The following DDAH1 variants were observed in gnomAD, a reference collection of about 807,000 sequenced individuals.
The protein encoded by DDAH1 is dimethylarginine dimethylaminohydrolase 1, also known as N(G),N(G)-dimethylarginine dimethylaminohydrolase 1.
A neutral mutation model predicts 28.8 loss-of-function variants in DDAH1; 19 were observed. The observed-to-expected ratio is 0.66, with a 90% CI of 0.46 to 0.97. The LOEUF (loss-of-function observed/expected upper bound fraction) is 0.97, where lower values mean the gene tolerates loss of function less well. Ranked by LOEUF, DDAH1 falls within the 50% of genes least tolerant of loss-of-function variation. DDAH1 has a pLI of 0.00. For synonymous variants in DDAH1, 153 were observed against 154.4 expected (o/e 0.99, Z 0.07); for missense variants, 326 against 375.9 (o/e 0.87, Z 1.10).
intron 1 of DDAH1, among the ~76,000 whole-genome samples, chr1:85,502,983 C>A (rs1222980662): frequency 6.6e-6 from 1 of 152,056 alleles, no homozygotes; most frequent in Non-Finnish European, 1.5e-5. Context: ...GGATTGATGT[C>A]CCCCTGGTGG....
chr1:85,428,846 T>C (rs1653536298), intron 1 of DDAH1, among the ~76,000 whole-genome samples: 1 of 151,938 alleles, frequency 6.6e-6, no homozygotes, highest in African/African-American at 2.4e-5. Flanking sequence ...GCAGCCTTCT[T>C]CTATTGAATA....
intron 4 of DDAH1, among the ~76,000 whole-genome samples, chr1:85,337,406 C>A (rs1357141823): frequency 6.6e-6 from 1 of 151,898 alleles, no homozygotes; most frequent in East Asian, 1.9e-4. Context: ...TTGAATTATC[C>A]ATTTAAAACT....
intron 1 of DDAH1, among the ~76,000 whole-genome samples, chr1:85,434,837 A>G (rs189130050): frequency 2.6e-4 from 39 of 152,284 alleles, no homozygotes; most frequent in African/African-American, 8.7e-4. Context: ...AAATCCTTTT[A>G]GAATTTGATT....
chr1:85,520,945 T>C (rs573207135), intron 1 of DDAH1, among the ~76,000 whole-genome samples: 1 of 152,312 alleles, frequency 6.6e-6, no homozygotes, highest in Non-Finnish European at 1.5e-5. Flanking sequence ...AAGGTATTTA[T>C]GAACTGCTTT....
intron 1 of DDAH1, among the ~76,000 whole-genome samples, chr1:85,420,201 G>C (rs956143277): frequency 6.6e-6 from 1 of 152,138 alleles, no homozygotes; most frequent in African/African-American, 2.4e-5. Context: ...CCTGTGATGG[G>C]AGGGGCTGCC....
upstream of DDAH1, chr1:85,465,317 G>A (rs994282053): frequency 1.4e-5 from 9 of 654,628 alleles, no homozygotes; most frequent in African/African-American, 1.6e-4. Context: ...AGCGCCGGGC[G>A]AGGAGTGGGG....
intron 2 of DDAH1, among the ~76,000 whole-genome samples, chr1:85,356,867 C>T (rs914639076): frequency 3.9e-5 from 6 of 152,162 alleles, no homozygotes; most frequent in African/African-American, 1.4e-4. Context: ...TGCACTTTCA[C>T]ACTGAGGAGA....
At chr1:85,501,257 T>C (rs1656806793) in intron 1 of DDAH1, among the ~76,000 whole-genome samples, 1 of 152,208 alleles carries the variant, frequency 6.6e-6, no homozygotes, top group African/African-American at 2.4e-5. Context: ...TTGGATGAAC[T>C]TAGTATAGCC....
intron 4 of DDAH1, among the ~76,000 whole-genome samples, chr1:85,333,062 G>A (rs116007837): frequency 1.2e-4 from 18 of 152,300 alleles, no homozygotes; most frequent in African/African-American, 3.6e-4. Flanking sequence ...GCCCACATAT[G>A]CCACCCCGGG....
chr1:85,430,076 T>C (rs1162042370), intron 1 of DDAH1, among the ~76,000 whole-genome samples: 1 of 152,186 alleles, frequency 6.6e-6, no homozygotes, highest in African/African-American at 2.4e-5. Context: ...AATTTTTGTA[T>C]AAGGTGTAAG....
In DDAH1 at chr1:85,368,698, A is replaced by G. The variant is rs537405677; in HGVS notation, c.304-9851T>C. 8.1e-4 allele frequency among the ~76,000 whole-genome samples: 124 copies of G among 152,328 alleles called. 1 individual carries two copies. In the Middle Eastern group the frequency reaches 0.01, roughly 13 times the overall value. ...ATTAAAATAAGTGTCAGCTGCCAAA[A>G]GACCTGCAAAATTTAGTAGGCTAAA... On this transcript the variant is annotated intron_variant, in intron 1 of 5. Transcript: ENST00000284031.
intron 1 of DDAH1, chr1:85,399,216 T>C (rs183765098): frequency 1.7e-4 from 26 of 152,344 alleles, no homozygotes; most frequent in Admixed American, 8.5e-4. Flanking sequence ...ATAGTCATAA[T>C]AGTAGTTTCT....
chr1:85,464,508 G>C lies in DDAH1; in HGVS notation c.303+235C>G, dbSNP rs1230095424. On this transcript the variant is annotated intron_variant, in intron 1 of 5. Transcript: ENST00000284031. The surrounding 1 kb of genome is among the most constrained non-coding windows in gnomAD (Gnocchi z 4.4). ...CCCGCCCACCCACCTGCCCGAGACC[G>C]TACAACCACATTGAATCGGATCCTC... 2 of 1,504,842 alleles carry C rather than the reference G, an allele frequency of 1.3e-6. No homozygotes were observed. Among genetic ancestry groups the C allele is most frequent in the East Asian group, 2.6e-5 (1 of 38,522 alleles). 93.2% of individuals were successfully genotyped at this position (1,504,842 alleles called of 1,614,324 possible).
At chr1:85,348,175 A>AT (rs1648984295) in intron 4 of DDAH1, among the ~76,000 whole-genome samples, 1 of 152,186 alleles carries the variant, frequency 6.6e-6, no homozygotes, top group South Asian at 2.1e-4. Context: ...AGGACTATAA[A>AT]GTCTTCATAG....
Position 85,464,701 on chromosome 1 carries a change from C to T in DDAH1, c.303+42G>A, listed in dbSNP as rs758959702. On this transcript the variant is annotated intron_variant, in intron 1 of 5. Coordinates refer to ENST00000284031, the MANE Select transcript of DDAH1 (RefSeq NM_012137.4). This position sits in a 1 kb window ranked among gnomAD's most constrained non-coding sequence, Gnocchi z 4.4. ...CACGGCGGCCGGCGGCGGGGGAGGG[C>T]CTGGCGCGCGCCCCGGCCGCGCCCC... The T allele has an allele frequency of 1.0e-5, 15 of 1,437,078 alleles. No homozygotes were observed. The East Asian group carries it at 3.7e-4, about 36-fold the overall frequency. 89.0% of individuals were successfully genotyped at this position (1,437,078 alleles called of 1,614,324 possible).
intron 1 of DDAH1, among the ~76,000 whole-genome samples, chr1:85,533,250 C>T (rs1230969241): frequency 2.0e-5 from 3 of 152,128 alleles, no homozygotes; most frequent in Admixed American, 1.3e-4. Flanking sequence ...TTTACATTAA[C>T]CTTTACAAAT....
In DDAH1 at chr1:85,434,427, T is replaced by G. The variant is rs867551192; in HGVS notation, c.303+30316A>C. 4.3e-4 allele frequency among the ~76,000 whole-genome samples: 65 copies of G among 152,182 alleles called. 1 individual carries two copies. The highest frequency in any genetic ancestry group is 3.4e-3 in the Middle Eastern group (1 of 294). On this transcript the variant is annotated intron_variant, in intron 1 of 5. Coordinates refer to ENST00000284031, the MANE Select transcript of DDAH1 (RefSeq NM_012137.4). ...TCATATTGTATGTGTGTTTTGTTTT[T>G]TTTTTGAGACAGGGTGTCTCTCTCT...
chr1:85,322,765 A>G (rs530272210), intron 5 of DDAH1, among the ~76,000 whole-genome samples: 60 of 152,334 alleles, frequency 3.9e-4, no homozygotes, highest in Non-Finnish European at 5.7e-4. Flanking sequence ...AGCCCTCAGT[A>G]AACAGGGATA....
intron 1 of DDAH1, among the ~76,000 whole-genome samples, chr1:85,364,577 C>T (rs554367144): frequency 3.4e-4 from 51 of 150,990 alleles, no homozygotes; most frequent in Non-Finnish European, 2.9e-4. Flanking sequence ...GACAGAGTTT[C>T]ACTCTTTTTG....
Sources: gnomAD v4.1 joint callset for allele counts (sites outside exome capture counted in the v4.1 genomes callset) on GRCh38, gnomAD v4.1.1 for gene constraint, Gnocchi (gnomAD v3.1) non-coding constraint, MANE v1.5 for transcripts, NCBI Gene and HGNC (gene_info 2026-07-23, HGNC 2026-07-21) for gene names.